Variants in EOGT observed in about 807,000 individuals in gnomAD.
The protein encoded by EOGT is EGF domain-specific O-linked N-acetylglucosamine transferase.
Under a neutral mutation model 70.5 loss-of-function variants are expected in EOGT, and 55 were observed. That is an observed-to-expected ratio of 0.78 (90% CI 0.63 to 0.98). The LOEUF is 0.98. EOGT is among the 50% of genes least tolerant of loss of function. The pLI is 0.00. For synonymous variants in EOGT, 246 were observed against 217.1 expected, an observed-to-expected ratio of 1.13 and a Z score of -1.17; for missense variants, 703 against 641.9, an observed-to-expected ratio of 1.10 and a Z score of -1.03.
chr3:68,989,066 A>C (rs4855543), intron 10 of EOGT, 49 bp from the exon 11 acceptor site: 7 of 1,075,420 alleles, frequency 6.5e-6, no homozygotes. Flanking sequence ...AGGATATAAC[A>C]TGACTTTTCA....
At chr3:69,001,549 A>C in intron 9 of EOGT, 59 bp downstream of exon 9, 1 of 1,170,958 alleles carries the variant, frequency 8.5e-7, no homozygotes, top group Non-Finnish European at 1.2e-6. Context: ...ACTACATCCA[A>C]AAAAAGGAAT....
intron 15 of EOGT, among the ~76,000 whole-genome samples, chr3:68,981,539 T>C (rs2090639923): frequency 6.6e-6 from 1 of 152,200 alleles, no homozygotes; most frequent in Non-Finnish European, 1.5e-5. Context: ...TTCCTTTTGA[T>C]CTTTTCTATA....
chr3:69,011,190 G>GTTTTTTTTT, intron 3 of EOGT, among the ~76,000 whole-genome samples: 2 of 8,828 alleles, frequency 2.3e-4, no homozygotes, highest in Non-Finnish European at 5.1e-4. Flanking sequence ...TGGGATCTTT[G>GTTTTTTTTT]TTCTTTTTTT....
At chr3:69,007,451 G>A (rs528338232) in intron 6 of EOGT, among the ~76,000 whole-genome samples, 3 of 141,696 alleles carry the variant, frequency 2.1e-5, no homozygotes, top group Admixed American at 8.0e-5. Flanking sequence ...TCAGGAGTTC[G>A]CGATCAGCCT....
intron 9 of EOGT, among the ~76,000 whole-genome samples, chr3:69,000,141 A>C (rs1329725618): frequency 6.6e-6 from 1 of 152,158 alleles, no homozygotes; most frequent in Non-Finnish European, 1.5e-5. Context: ...TGGGAGAATC[A>C]CTTGAGCCCA....
chr3:69,001,655 C>G lies in EOGT; in HGVS notation c.680G>C (p.Cys227Ser), dbSNP rs2091295173. ...TGTTGGTTTTTCAATGACAATGTCA[C>G]ATTTAGCATCTTCTATAGGTCTGAA... ...LNFRPIEDAK[C>S]DIVIEKPTYF... The change falls in exon 9 of 18, where the codon TGT becomes TCT. Residue 227 changes from cysteine (C) to serine (S), a missense_variant. Cys to Ser is a moderately radical substitution (Grantham distance 112). Transcript: ENST00000383701. The G allele has an allele frequency of 6.2e-7, 1 of 1,611,256 alleles. No homozygotes were observed. Among genetic ancestry groups the G allele is most frequent in the Non-Finnish European group, 8.5e-7 (1 of 1,179,198 alleles).
Position 68,976,539 on chromosome 3 carries a change from G to A in EOGT, c.*1079C>T, listed in dbSNP as rs1162590896. 1 of 152,056 alleles carries A rather than the reference G, an allele frequency of 6.6e-6. No individual in the cohort carries two copies. The highest frequency in any genetic ancestry group is 1.5e-5 in the Non-Finnish European group (1 of 68,012). The allele number at this position is 152,056 out of a possible 1,614,324, so 9.4% of individuals were successfully genotyped here. A position where few individuals can be genotyped will look rare whatever the true frequency, so the allele number is the denominator to read the frequency against. ...GAAACATGTAATATAAATTAATATA[G>A]TGGCATGATTTATTCAGGTTCTCGA... On this transcript the variant is annotated 3_prime_UTR_variant, in exon 18 of 18. Transcript: ENST00000383701.
intron 14 of EOGT, 91 bp from the exon 15 acceptor site, chr3:68,982,963 T>C (rs1476932639): frequency 2.7e-6 from 2 of 732,616 alleles, no homozygotes; most frequent in Non-Finnish European, 2.2e-6. Flanking sequence ...TTTTTGCATA[T>C]ACTATTTCAG....
intron 15 of EOGT, 75 bp downstream of exon 15, chr3:68,982,736 A>C (rs1188728827): frequency 4.5e-6 from 5 of 1,099,288 alleles, no homozygotes; most frequent in Non-Finnish European, 6.5e-6. Flanking sequence ...CTCCCACTGG[A>C]AAAATGCTTT....
At chr3:68,994,307 G>C (rs2107277002) in intron 10 of EOGT, among the ~76,000 whole-genome samples, 1 of 152,158 alleles carries the variant, frequency 6.6e-6, no homozygotes, top group South Asian at 2.1e-4. Flanking sequence ...TCATATTCCT[G>C]GACTTTAGCC....
At chr3:68,982,705 T>C in intron 15 of EOGT, 106 bp downstream of exon 15, 1 of 686,128 alleles carries the variant, frequency 1.5e-6, no homozygotes, top group Non-Finnish European at 2.4e-6. Flanking sequence ...TTGTCCCTTC[T>C]GGGCCTACAA....
In EOGT at chr3:68,977,365, G is replaced by T. The variant is rs2090500485; in HGVS notation, c.*253C>A. 7.6e-6 allele frequency: 3 copies of T among 394,270 alleles called. No individual in the cohort carries two copies. The highest frequency in any genetic ancestry group is 1.3e-5 in the Non-Finnish European group (3 of 223,242). The allele number at this position is 394,270 out of a possible 1,614,324, so 24.4% of individuals were successfully genotyped here. ...AAGAAAGAAAGTTAAAGTATACTGG[G>T]GAGTCCATGCTTAATTTTTGAACTA... On this transcript the variant is annotated 3_prime_UTR_variant, in exon 18 of 18. Transcript: ENST00000383701.
rs186870285 is a variant in EOGT, at chr3:68,987,483, G to A, written c.1114C>T (p.Arg372Trp). Residue 372 changes from arginine to tryptophan, a missense_variant, in exon 14 of 18, where the codon CGG becomes TGG. Coordinates refer to ENST00000383701, the MANE Select transcript of EOGT (RefSeq NM_001278689.2). Reference protein sequence around the residue: ...DGKIRVTILARSTEYRKILNQ... With the variant: ...DGKIRVTILAWSTEYRKILNQ... ...AGGATTTTCCGGTATTCTGTGCTCCGTGCAAGAATGGTGACTCGAATTTTT... is the reference window on the plus strand; with the variant it reads ...AGGATTTTCCGGTATTCTGTGCTCCATGCAAGAATGGTGACTCGAATTTTT... 27 of 1,613,576 alleles carry A rather than the reference G, an allele frequency of 1.7e-5. No individual in the cohort carries two copies. The East Asian group carries it at 2.7e-4, about 16-fold the overall frequency.
rs2090448919 is a variant in EOGT at position 68,975,402 on chromosome 3, A to T, written c.*2216T>A. 6.6e-6 allele frequency: 1 copy of T among 152,642 alleles called. No individual in the cohort carries two copies. Among genetic ancestry groups the T allele is most frequent in the Non-Finnish European group, 1.5e-5 (1 of 68,024 alleles). 9.5% of individuals were successfully genotyped at this position (152,642 alleles called of 1,614,324 possible). Reference sequence around the variant, plus strand: ...AAGTGTCAAATGTATTTTCCTGTTTATATAAAATGTATTCTCTCTTCAAAT... The same window carrying T: ...AAGTGTCAAATGTATTTTCCTGTTTTTATAAAATGTATTCTCTCTTCAAAT... On this transcript the variant is annotated 3_prime_UTR_variant, in exon 18 of 18. Coordinates refer to ENST00000383701, the MANE Select transcript of EOGT (RefSeq NM_001278689.2).
rs754217928 is a variant in EOGT, at chr3:68,988,936, C to T, written c.913G>A (p.Asp305Asn). The change falls in exon 11 of 18, where the codon GAT becomes AAT. Residue 305 changes from aspartate to asparagine, a missense_variant. Coordinates refer to ENST00000383701, the MANE Select transcript of EOGT (RefSeq NM_001278689.2). The part of the protein sequence containing the change: ...DYDVIHLKTY[D>N]SKRVCFKEAV... The stretch of plus-strand genomic sequence containing the variant: ...AAAATTTCCAGTACCCTTTTGGAAT[C>T]ATAAGTTTTCAAATGTATAACGTCA... 5.3e-6 allele frequency: 8 copies of T among 1,518,124 alleles called. No homozygotes were observed. In the South Asian group the frequency reaches 8.5e-5, roughly 16 times the overall value. 94.0% of individuals were successfully genotyped at this position (1,518,124 alleles called of 1,614,324 possible). A position where few individuals can be genotyped will look rare whatever the true frequency, so the allele number is the denominator to read the frequency against.
chr3:68,986,781 C>A lies in EOGT; in HGVS notation c.1152+664G>T, dbSNP rs573433073. On this transcript the variant is annotated intron_variant, in intron 14 of 17. Transcript: ENST00000383701. ...ACTTCTTATCTGTCTCTCACCTCTA[C>A]GGTGTAAGCTCCATGAGGTCAGGCA... Among the ~76,000 whole-genome samples, 7 of 152,326 alleles carry A rather than the reference C, an allele frequency of 4.6e-5. No homozygotes were observed. The South Asian group carries it at 1.4e-3, about 32-fold the overall frequency.
chr3:69,005,519 G>A (rs1281441628), intron 6 of EOGT, among the ~76,000 whole-genome samples: 5 of 152,140 alleles, frequency 3.3e-5, no homozygotes, highest in African/African-American at 9.6e-5. Context: ...ATGTGGCTCA[G>A]TTCAGTCCCC....
At chr3:68,978,482 T>A in intron 16 of EOGT, 47 bp from the exon 17 acceptor site, 1 of 1,358,616 alleles carries the variant, frequency 7.4e-7, no homozygotes, top group Non-Finnish European at 1.0e-6. Flanking sequence ...TCCAAGGTTT[T>A]TTCCAAATCA....
chr3:69,001,567 C>T, intron 9 of EOGT, 41 bp downstream of exon 9: 1 of 1,303,322 alleles, frequency 7.7e-7, no homozygotes, highest in East Asian at 2.3e-5. Context: ...AATAATATCT[C>T]ATTAACAAAT....
Sources: gnomAD v4.1 joint callset for allele counts (sites outside exome capture counted in the v4.1 genomes callset) on GRCh38, gnomAD v4.1.1 for gene constraint, MANE v1.5 for transcripts, NCBI Gene and HGNC (gene_info 2026-07-23, HGNC 2026-07-21) for gene names.